CP: variants seen among roughly 807,000 people sequenced by gnomAD.
CP encodes the protein caeruloplasmin.
A neutral mutation model predicts 122.4 loss-of-function variants in CP; 64 were observed. The observed-to-expected ratio is 0.52, with a 90% CI of 0.43 to 0.64. The LOEUF (loss-of-function observed/expected upper bound fraction) is 0.64, where lower values mean the gene tolerates loss of function less well. Among genes scored for constraint, CP ranks in the 30% least tolerant of loss-of-function variants. The pLI is 0.00. For synonymous variants in CP, 440 were observed against 436.4 expected (o/e 1.01, Z -0.10); for missense variants, 1,167 against 1,284.4 (o/e 0.91, Z 1.40).
chr3:149,176,030 TG>T (rs1725394524), intron 18 of CP: 1 of 566,808 alleles, frequency 1.8e-6, no homozygotes, highest in Admixed American at 3.1e-5. Flanking sequence ...TAGAAATGAC[TG>T]GTGCTGTTAC....
intron 11 of CP, 40 bp from the exon 12 acceptor site, chr3:149,185,486 G>A (rs1179574717): frequency 1.9e-6 from 3 of 1,590,794 alleles, no homozygotes; most frequent in Non-Finnish European, 2.6e-6. Flanking sequence ...TTCTTTGCTA[G>A]TGCCCTCTGG....
chr3:149,219,723 G>C (rs543551186), intron 1 of CP, among the ~76,000 whole-genome samples: 1 of 152,102 alleles, frequency 6.6e-6, no homozygotes, highest in African/African-American at 2.4e-5. Flanking sequence ...GGGCACTACT[G>C]TAAAGGTACC....
chr3:149,183,624 T>C lies in CP; in HGVS notation c.2286-19A>G. ...TGAAACACTTAAAAAAAAAAACAAC[T>C]AAGGTTAGTATTTGTCTTAATGAAA... On this transcript the variant is annotated intron_variant, in intron 12 of 18. Transcript: ENST00000264613. 6.9e-7 allele frequency: 1 copy of C among 1,444,660 alleles called. No individual in the cohort carries two copies. Among genetic ancestry groups the C allele is most frequent in the Non-Finnish European group, 9.6e-7 (1 of 1,039,718 alleles). The allele number at this position is 1,444,660 out of a possible 1,614,324, so 89.5% of individuals were successfully genotyped here.
At chr3:149,185,511 C>T in intron 11 of CP, 65 bp from the exon 12 acceptor site, 1 of 1,474,038 alleles carries the variant, frequency 6.8e-7, no homozygotes, top group East Asian at 2.3e-5. Context: ...CTCCACCTTC[C>T]TCAGAATTAA....
chr3:149,176,661 A>G (rs1415994978), intron 17 of CP: 1 of 452,960 alleles, frequency 2.2e-6, no homozygotes, highest in Non-Finnish European at 4.0e-6. Context: ...AGGACTACCT[A>G]CAAACCTCCT....
At chr3:149,191,202 A>G (rs1223208504) in intron 9 of CP, among the ~76,000 whole-genome samples, 1 of 148,630 alleles carries the variant, frequency 6.7e-6, no homozygotes, top group Non-Finnish European at 1.5e-5. Flanking sequence ...TTATCTCCAC[A>G]TTATCTGAAC....
exon 6 of CP, chr3:149,162,823 G>T: frequency 6.2e-7 from 1 of 1,614,066 alleles, no homozygotes; most frequent in Non-Finnish European, 8.5e-7. Context: ...TACATCTGGA[G>T]ATTGTCTAAG....
chr3:149,206,107 T>A, intron 6 of CP, 61 bp downstream of exon 6: 1 of 1,512,384 alleles, frequency 6.6e-7, no homozygotes, highest in Non-Finnish European at 9.1e-7. Context: ...ATTAGCCTTT[T>A]GTAGTTCCTT....
At chr3:149,172,142 A>C (rs755248178), downstream of CP, 1 of 1,612,750 alleles carries the variant, frequency 6.2e-7, no homozygotes, top group Non-Finnish European at 8.5e-7. Context: ...GGATTTCATG[A>C]ATGTTCTCCC....
chr3:149,191,587 T>C (rs1021035847), intron 9 of CP, among the ~76,000 whole-genome samples: 1 of 151,858 alleles, frequency 6.6e-6, no homozygotes, highest in Non-Finnish European at 1.5e-5. Flanking sequence ...GCTATTCCAC[T>C]ATTGTTTAAT....
In CP at chr3:149,165,762, C is replaced by T. The variant is rs115683086; in HGVS notation, c.*13+184G>A. On this transcript the variant is annotated intron_variant, in intron 5 of 5. Transcript: ENST00000479771. ...CACATGCTTTGCTCCTTCCTACTGC[C>T]CCCACTCCCTTCCCCATTATCTGGA... Among the ~76,000 whole-genome samples, 680 of 152,200 alleles carry T rather than the reference C, an allele frequency of 4.5e-3. 6 individuals are homozygous for T. The highest frequency in any genetic ancestry group is 0.016 in the African/African-American group (652 of 41,526).
At chr3:149,177,227 G>A (rs1008780727) in intron 17 of CP, among the ~76,000 whole-genome samples, 3 of 152,090 alleles carry the variant, frequency 2.0e-5, no homozygotes, top group Non-Finnish European at 2.9e-5. Context: ...TCTTGTTGTG[G>A]TCTCTACTCT....
intron 7 of CP, among the ~76,000 whole-genome samples, chr3:149,201,265 C>T (rs962199502): frequency 6.6e-6 from 1 of 151,966 alleles, no homozygotes; most frequent in African/African-American, 2.4e-5. Flanking sequence ...CTAGGACAGG[C>T]ACCCGCCACC....
At chr3:149,181,976 A>ACAACC in intron 14 of CP, 29 bp downstream of exon 14, 5 of 561,800 alleles carry the variant, frequency 8.9e-6, no homozygotes, top group Admixed American at 2.0e-5. Context: ...GTTAAAATGC[A>ACAACC]CCACCCCCAC....
intron 11 of CP, chr3:149,186,081 C>G: frequency 4.6e-6 from 1 of 218,942 alleles, no homozygotes; most frequent in Non-Finnish European, 9.2e-6. Flanking sequence ...CTGTAGATGT[C>G]TCTGAATTTG....
intron 9 of CP, among the ~76,000 whole-genome samples, chr3:149,191,283 G>T: frequency 8.5e-6 from 1 of 117,460 alleles, no homozygotes. Context: ...CTCACTTTCT[G>T]AAGTTATCTA....
In CP at chr3:149,177,945, G is replaced by A. The variant is rs1210520838; in HGVS notation, c.2913C>T (p.Gly971=). ...INGRMFGNLQ[G]LTMHVGDEVN... ...CTTCATCTCCCACGTGCATTGTGAG[G>A]CCTTGTAGGTTTCCAAACATTCTTC... Residue 971 remains glycine, a synonymous_variant, in exon 17 of 19, where the codon GGC becomes GGT. Transcript: ENST00000264613. The A allele has an allele frequency of 1.2e-6, 2 of 1,613,422 alleles. No homozygotes were observed. Among genetic ancestry groups the A allele is most frequent in the Admixed American group, 3.3e-5 (2 of 60,014 alleles).
chr3:149,166,917 ATT>A, intron 4 of CP: 1 of 793,786 alleles, frequency 1.3e-6, no homozygotes. Flanking sequence ...CTAATATGGC[ATT>A]CTTTCTATTT....
At chr3:149,207,122 T>C (rs1309768266) in intron 5 of CP, among the ~76,000 whole-genome samples, 1 of 152,190 alleles carries the variant, frequency 6.6e-6, no homozygotes, top group African/African-American at 2.4e-5. Context: ...GTATATATAG[T>C]ACTATACTTT....
Sources: gnomAD v4.1 joint callset for allele counts (sites outside exome capture counted in the v4.1 genomes callset) on GRCh38, gnomAD v4.1.1 for gene constraint, MANE v1.5 for transcripts, NCBI Gene and HGNC (gene_info 2026-07-23, HGNC 2026-07-21) for gene names.